The following LPP variants were observed in gnomAD, a reference collection of about 807,000 sequenced individuals.
LPP encodes lipoma-preferred partner.
In LPP, 38 loss-of-function variants were observed where a neutral mutation model predicts 60.4. The observed-to-expected ratio is 0.63, with a 90% CI of 0.49 to 0.83. LPP has a LOEUF of 0.83. Ranked by LOEUF, LPP falls within the 40% of genes least tolerant of loss-of-function variation. LPP has a pLI of 0.00. For synonymous variants in LPP, 328 were observed against 290.8 expected (o/e 1.13, Z -1.30); for missense variants, 902 against 783.6 (o/e 1.15, Z -1.80).
At chr3:188,425,631 T>C (rs938577657) in intron 4 of LPP, among the ~76,000 whole-genome samples, 1 of 152,168 alleles carries the variant, frequency 6.6e-6, no homozygotes, top group Non-Finnish European at 1.5e-5. Context: ...TCAGAACTTG[T>C]TATTGGTCTA....
rs1048708388 is a variant in LPP at position 188,880,788 on chromosome 3, G to A, written c.*6309G>A. On this transcript the variant is annotated 3_prime_UTR_variant, in exon 12 of 12. Transcript: ENST00000617246. ...ACGAATGGAATGTTCTACCAAGAAAGAGAAGCATCACCATGTCATCTTGTG... is the reference window on the plus strand; with the variant it reads ...ACGAATGGAATGTTCTACCAAGAAAAAGAAGCATCACCATGTCATCTTGTG... 5.5e-6 allele frequency: 1 copy of A among 181,232 alleles called. No homozygotes were observed. The highest frequency in any genetic ancestry group is 1.2e-5 in the Non-Finnish European group (1 of 84,932). The allele number at this position is 181,232 out of a possible 1,614,324, so 11.2% of individuals were successfully genotyped here.
At position 188,339,876 on chromosome 3, in the gene LPP, G is replaced by T. The variant is rs1204437584; in HGVS notation, c.-66-1787G>T. On this transcript the variant is annotated intron_variant, in intron 2 of 11. Coordinates refer to ENST00000617246, the MANE Select transcript of LPP (RefSeq NM_001375462.1). ...TCTTGAAACTTTCCTGGTGAGATCT[G>T]AGAAAGTGTTTATGGTAACACTGCA... Among the ~76,000 whole-genome samples the T allele has an allele frequency of 3.3e-5, 5 of 152,200 alleles. No homozygotes were observed. In the East Asian group the frequency reaches 9.6e-4, roughly 29 times the overall value.
chr3:188,478,904 C>T (rs1803964500), intron 4 of LPP, among the ~76,000 whole-genome samples: 1 of 152,096 alleles, frequency 6.6e-6, no homozygotes, highest in African/African-American at 2.4e-5. Flanking sequence ...CAGGCTCCTG[C>T]TACCACGCCT....
intron 2 of LPP, among the ~76,000 whole-genome samples, chr3:188,241,266 A>G (rs1448241933): frequency 1.3e-5 from 2 of 152,330 alleles, no homozygotes; most frequent in African/African-American, 4.8e-5. Context: ...GCCCTGAAGT[A>G]CATGCTGTAC....
rs1004222826 is a variant in LPP at position 188,441,609 on chromosome 3, CT to C, written c.193+35325del. On this transcript the variant is annotated intron_variant, in intron 4 of 11. Transcript: ENST00000617246. Reference sequence around the variant, plus strand: ...ACAGTTTCTTTTTTTCTTTTCTTTTCTTTTTTTTTTTTTTTTTTTTTTTTTT... The same window carrying C: ...ACAGTTTCTTTTTTTCTTTTCTTTTCTTTTTTTTTTTTTTTTTTTTTTTTT... Among the ~76,000 whole-genome samples the C allele has an allele frequency of 4.2e-3, 235 of 55,646 alleles. 27 individuals carry two copies. Among genetic ancestry groups the C allele is most frequent in the South Asian group, 9.5e-3 (11 of 1,156 alleles). 36.5% of individuals were successfully genotyped at this position (55,646 alleles called of 152,430 possible).
At chr3:188,640,280 A>T (rs1849783025) in intron 7 of LPP, among the ~76,000 whole-genome samples, 1 of 150,432 alleles carries the variant, frequency 6.6e-6, no homozygotes, top group Admixed American at 6.6e-5. Context: ...AAAAAACCAA[A>T]CACCACATAT....
rs536290642 is a variant in LPP, at chr3:188,636,435, C to G, written c.1113+26591C>G. ...CATGGAGTCTCGCTGATTCCTAGCA[C>G]AGCAGTCTGAGATCAAACTGCAAGG... On this transcript the variant is annotated intron_variant, in intron 7 of 11. Transcript: ENST00000617246. Among the ~76,000 whole-genome samples, 16 of 152,300 alleles carry G rather than the reference C, an allele frequency of 1.1e-4. No individual in the cohort carries two copies. In the South Asian group the frequency reaches 2.7e-3, roughly 26 times the overall value.
intron 9 of LPP, among the ~76,000 whole-genome samples, chr3:188,782,051 CT>C (rs1401506351): frequency 1.3e-5 from 2 of 152,120 alleles, no homozygotes; most frequent in Non-Finnish European, 2.9e-5. Flanking sequence ...AAAAGGACAT[CT>C]TTTTACATGG....
chr3:188,714,761 T>G (rs762709235), intron 8 of LPP, among the ~76,000 whole-genome samples: 3 of 152,116 alleles, frequency 2.0e-5, no homozygotes, highest in Non-Finnish European at 4.4e-5. Flanking sequence ...GAAGATACAG[T>G]CTCTATACTG....
At chr3:188,545,436 G>C (rs181594607) in intron 6 of LPP, among the ~76,000 whole-genome samples, 10 of 152,020 alleles carry the variant, frequency 6.6e-5, no homozygotes, top group Admixed American at 1.3e-4. Flanking sequence ...ATCTGTATCT[G>C]TATCAGCCAT....
intron 5 of LPP, among the ~76,000 whole-genome samples, chr3:188,501,626 G>A (rs1187728002): frequency 2.6e-5 from 4 of 152,188 alleles, no homozygotes; most frequent in Non-Finnish European, 4.4e-5. Context: ...GCGGGCACCT[G>A]TAGTCCCAGC....
rs995459585 is a variant in LPP at position 188,845,709 on chromosome 3, G to A, written c.1411-20491G>A. Among the ~76,000 whole-genome samples, 12 of 152,282 alleles carry A rather than the reference G, an allele frequency of 7.9e-5. No individual in the cohort carries two copies. In the South Asian group the frequency reaches 8.3e-4, roughly 11 times the overall value. The stretch of plus-strand genomic sequence containing the variant: ...ATGCACTGGAACTCAGAGCACTGAC[G>A]TGGGAATTGGGAGCTCTCAGGTCTG... On this transcript the variant is annotated intron_variant, in intron 9 of 11. Transcript: ENST00000617246.
chr3:188,711,561 T>C (rs558254947), intron 8 of LPP: 3 of 152,230 alleles, frequency 2.0e-5, no homozygotes, highest in Admixed American at 2.0e-4. Flanking sequence ...CATTCTCTTC[T>C]AGGTACACAG....
chr3:188,772,593 C>A (rs925345241), intron 9 of LPP, among the ~76,000 whole-genome samples: 1 of 152,076 alleles, frequency 6.6e-6, no homozygotes, highest in Non-Finnish European at 1.5e-5. Context: ...CTCCTGGGTT[C>A]GCGCCATTCT....
At chr3:188,270,705 C>T (rs752263075) in intron 2 of LPP, among the ~76,000 whole-genome samples, 3 of 152,214 alleles carry the variant, frequency 2.0e-5, no homozygotes, top group Non-Finnish European at 4.4e-5. Context: ...TGGTTTCCAT[C>T]TTATGCAGAA....
intron 7 of LPP, among the ~76,000 whole-genome samples, chr3:188,640,508 T>TA (rs1849858908): frequency 7.0e-6 from 1 of 143,464 alleles, no homozygotes; most frequent in African/African-American, 2.7e-5. Flanking sequence ...CCCTAAAACT[T>TA]AAAGTATAAT....
chr3:188,817,448 A>G (rs6786931), intron 9 of LPP, among the ~76,000 whole-genome samples: 5,275 of 152,276 alleles, frequency 0.035, 285 homozygotes, highest in African/African-American at 0.12. Flanking sequence ...CTGTTAAAAC[A>G]CTTAGTTCTG....
intron 7 of LPP, among the ~76,000 whole-genome samples, chr3:188,614,207 G>A (rs1181821045): frequency 1.3e-5 from 2 of 151,464 alleles, no homozygotes; most frequent in East Asian, 1.9e-4. Flanking sequence ...GGGATTACAG[G>A]TGTGATCCCA....
chr3:188,683,338 G>A (rs978352089), intron 7 of LPP, among the ~76,000 whole-genome samples: 1 of 152,022 alleles, frequency 6.6e-6, no homozygotes, highest in South Asian at 2.1e-4. Flanking sequence ...TCTCATAAAT[G>A]ACTTAGGAGA....
Sources: allele counts gnomAD v4.1 joint callset (sites outside exome capture counted in the v4.1 genomes callset), GRCh38; gene constraint gnomAD v4.1.1; transcripts MANE v1.5; gene names NCBI Gene and HGNC (gene_info 2026-07-23, HGNC 2026-07-21).